Variants in SLC16A7 observed in about 807,000 individuals in gnomAD.
SLC16A7 encodes the protein solute carrier family 16 member 7.
SLC16A7 carries 33 observed loss-of-function variants against 34.9 expected under a neutral mutation model. The ratio of observed to expected loss-of-function variants is 0.94; its 90% CI spans 0.72 to 1.26. The LOEUF is 1.26. Among genes scored for constraint, SLC16A7 ranks in the 50% most tolerant of loss-of-function variants. The pLI, the probability that SLC16A7 is intolerant of heterozygous loss-of-function variation, is 0.00. For synonymous variants in SLC16A7, 201 were observed against 206.6 expected (o/e 0.97, Z 0.23); for missense variants, 573 against 578.1 (o/e 0.99, Z 0.09).
At chr12:59,620,875 TA>T (rs1301718757) in intron 1 of SLC16A7, among the ~76,000 whole-genome samples, 1 of 151,908 alleles carries the variant, frequency 6.6e-6, no homozygotes, top group East Asian at 1.9e-4. Context: ...CAGTAGTACT[TA>T]AAAAAATTAT....
intron 3 of SLC16A7, among the ~76,000 whole-genome samples, chr12:59,767,949 G>T (rs1260791648): frequency 3.0e-5 from 4 of 134,832 alleles, no homozygotes; most frequent in South Asian, 5.2e-4. Context: ...GTCGTGGGGT[G>T]GGGGGAAGGG....
intron 3 of SLC16A7, among the ~76,000 whole-genome samples, chr12:59,744,870 G>A (rs1407212926): frequency 6.6e-6 from 1 of 152,134 alleles, no homozygotes; most frequent in Non-Finnish European, 1.5e-5. Flanking sequence ...TCTTGCGAGG[G>A]GTGAAATGTA....
chr12:59,762,984 C>A (rs914738661), intron 3 of SLC16A7, among the ~76,000 whole-genome samples: 9 of 151,880 alleles, frequency 5.9e-5, no homozygotes, highest in African/African-American at 2.2e-4. Context: ...ATTTTTAATT[C>A]ATTTTATTTT....
At chr12:59,629,923 C>A (rs1365340272) in intron 1 of SLC16A7, among the ~76,000 whole-genome samples, 7 of 151,654 alleles carry the variant, frequency 4.6e-5, no homozygotes, top group Non-Finnish European at 1.0e-4. Flanking sequence ...ATTATCTTGC[C>A]CTTTAAATTT....
chr12:59,651,097 A>G (rs907078302), intron 1 of SLC16A7, among the ~76,000 whole-genome samples: 3 of 152,082 alleles, frequency 2.0e-5, no homozygotes, highest in African/African-American at 7.2e-5. Context: ...GCTCGGTACA[A>G]TTTGCCTTTG....
intron 3 of SLC16A7, among the ~76,000 whole-genome samples, chr12:59,720,897 TC>T (rs1206720145): frequency 6.6e-6 from 1 of 152,044 alleles, no homozygotes; most frequent in African/African-American, 2.4e-5. Context: ...AACTTCAGAT[TC>T]AATTAATTTA....
At chr12:59,770,556 C>T (rs1052387019) in intron 3 of SLC16A7, among the ~76,000 whole-genome samples, 2 of 152,070 alleles carry the variant, frequency 1.3e-5, no homozygotes, top group African/African-American at 4.8e-5. Context: ...TCCAATCAAG[C>T]CACAGGAAAT....
At chr12:59,687,649 C>CCATG (rs1871262141) in intron 2 of SLC16A7, among the ~76,000 whole-genome samples, 1 of 152,030 alleles carries the variant, frequency 6.6e-6, no homozygotes, top group Non-Finnish European at 1.5e-5. Context: ...TATTTCTTGC[C>CCATG]CATGCTGCTT....
chr12:59,636,019 A>C (rs1880407840), intron 1 of SLC16A7, among the ~76,000 whole-genome samples: 1 of 138,758 alleles, frequency 7.2e-6, no homozygotes, highest in Non-Finnish European at 1.5e-5. Flanking sequence ...AAAAAAAAAA[A>C]CTGTGTAGGG....
intron 3 of SLC16A7, among the ~76,000 whole-genome samples, chr12:59,755,788 C>T (rs907480429): frequency 6.6e-6 from 1 of 152,150 alleles, no homozygotes; most frequent in Non-Finnish European, 1.5e-5. Context: ...AAAAGGAGCC[C>T]TCATCGCCAA....
chr12:59,754,109 G>C (rs1305547161), intron 3 of SLC16A7, among the ~76,000 whole-genome samples: 2 of 152,166 alleles, frequency 1.3e-5, no homozygotes, highest in African/African-American at 2.4e-5. Flanking sequence ...TCAAAGCAGT[G>C]TGTAGAGGGA....
chr12:59,735,453 A>G (rs1203375717), intron 3 of SLC16A7, among the ~76,000 whole-genome samples: 1 of 152,198 alleles, frequency 6.6e-6, no homozygotes, highest in Non-Finnish European at 1.5e-5. Flanking sequence ...TTTTGAATTT[A>G]TGATGCATTG....
chr12:59,779,717 A>G lies in SLC16A7; in HGVS notation c.*38A>G. The stretch of plus-strand genomic sequence containing the variant: ...CTCTGATTTCAGTGTTTATGACTTT[A>G]TCTAGGAGTTTGTTTTTCATTTTGT... On this transcript the variant is annotated 3_prime_UTR_variant, in exon 6 of 6. Coordinates refer to ENST00000547379, the MANE Select transcript of SLC16A7 (RefSeq NM_001270623.2). 1 of 1,498,962 alleles carries G rather than the reference A, an allele frequency of 6.7e-7. No homozygotes were observed. The highest frequency in any genetic ancestry group is 9.0e-7 in the Non-Finnish European group (1 of 1,111,048). The allele number at this position is 1,498,962 out of a possible 1,614,324, so 92.9% of individuals were successfully genotyped here.
chr12:59,720,209 AATT>A, intron 3 of SLC16A7: 1 of 617,428 alleles, frequency 1.6e-6, no homozygotes, highest in Non-Finnish European at 2.9e-6. Flanking sequence ...AGTTATTGTT[AATT>A]GTTACTTATG....
intron 3 of SLC16A7, among the ~76,000 whole-genome samples, chr12:59,765,925 G>T (rs1466826450): frequency 6.6e-6 from 1 of 152,172 alleles, no homozygotes; most frequent in African/African-American, 2.4e-5. Flanking sequence ...ACCTTGGGCA[G>T]TATGGCCATT....
intron 2 of SLC16A7, among the ~76,000 whole-genome samples, chr12:59,670,415 C>G (rs527749271): frequency 6.7e-6 from 1 of 149,612 alleles, no homozygotes; most frequent in East Asian, 1.9e-4. Flanking sequence ...TTCCAATCCA[C>G]CCCCCCCACC....
At chr12:59,762,219 G>A (rs181627480) in intron 3 of SLC16A7, among the ~76,000 whole-genome samples, 34 of 152,068 alleles carry the variant, frequency 2.2e-4, no homozygotes, top group African/African-American at 6.7e-4. Flanking sequence ...TACAATTTTC[G>A]TGTCATAAGC....
intron 3 of SLC16A7, among the ~76,000 whole-genome samples, chr12:59,760,756 C>T (rs184188961): frequency 5.9e-5 from 9 of 152,096 alleles, no homozygotes; most frequent in East Asian, 3.9e-4. Context: ...CAGGACAACA[C>T]GAGATTTTAT....
At chr12:59,736,364 C>CA (rs1011962627) in intron 3 of SLC16A7, among the ~76,000 whole-genome samples, 3 of 151,942 alleles carry the variant, frequency 2.0e-5, no homozygotes, top group African/African-American at 4.8e-5. Context: ...TAAATGAACA[C>CA]AAAAAACAAA....
Sources: allele counts gnomAD v4.1 joint callset (sites outside exome capture counted in the v4.1 genomes callset), GRCh38; gene constraint gnomAD v4.1.1; transcripts MANE v1.5; gene names NCBI Gene and HGNC (gene_info 2026-07-23, HGNC 2026-07-21).